DHRS4L2: variants seen among roughly 807,000 people sequenced by gnomAD.
DHRS4L2 encodes dehydrogenase/reductase 4 like 2.
Under a neutral mutation model 23.9 loss-of-function variants are expected in DHRS4L2, and 22 were observed. The ratio of observed to expected loss-of-function variants is 0.92; its 90% confidence interval spans 0.66 to 1.31. The LOEUF is 1.31. Among genes scored for constraint, DHRS4L2 ranks in the 40% most tolerant of loss-of-function variants. The probability of loss-of-function intolerance (pLI) is 0.00; values close to 1 mark genes in which losing one functional copy is unlikely to be tolerated. For missense variants in DHRS4L2, 385 were observed against 303.3 expected (o/e 1.27, Z -2.00); for synonymous variants, 141 against 123.7 (o/e 1.14, Z -0.93).
At position 23,995,121 on chromosome 14, in the gene DHRS4L2, G is replaced by C. The variant is rs1455132886; in HGVS notation, c.396G>C (p.Glu132Asp). The C allele has an allele frequency of 1.4e-5, 22 of 1,612,696 alleles. No homozygotes were observed. The highest frequency in any genetic ancestry group is 1.9e-5 in the Non-Finnish European group (22 of 1,179,388). Residue 132 changes from glutamate (E) to aspartate (D), a missense_variant, in exon 3 of 8, where the codon GAG becomes GAC. Physicochemically the swap from Glu to Asp is conservative, Grantham distance 45 (BLOSUM62 2). Coordinates refer to ENST00000335125, the MANE Select transcript of DHRS4L2 (RefSeq NM_198083.4). ...GAAGCCTAATGGATGTCACCGAGGA[G>C]GTGTGGGACAAGGTGAGAGGGGATT... ...FFGSLMDVTE[E>D]VWDKTLDINV...
At chr14:23,977,292 C>G (rs1414912771) in intron 1 of DHRS4L2, among the ~76,000 whole-genome samples, 1 of 151,692 alleles carries the variant, frequency 6.6e-6, no homozygotes, top group Non-Finnish European at 1.5e-5. Context: ...ATCTGGATTT[C>G]TAGCTTCTGT....
At chr14:23,970,471 C>G (rs1373558980) in intron 1 of DHRS4L2, 1 of 351,954 alleles carries the variant, frequency 2.8e-6, no homozygotes, top group African/African-American at 2.2e-5. Flanking sequence ...CAGGGAAGCT[C>G]TAACTGGGCG....
Position 23,990,328 on chromosome 14 carries a change from A to T in DHRS4L2, c.275A>T (p.Lys92Met), listed in dbSNP as rs773562364. The change falls in exon 2 of 8, where the codon AAG becomes ATG. Residue 92 changes from lysine (K) to methionine (M), a missense_variant. Physicochemically the swap from Lys to Met is moderately conservative, Grantham distance 95. Coordinates refer to ENST00000335125, the MANE Select transcript of DHRS4L2 (RefSeq NM_198083.4). Reference sequence around the variant, plus strand: ...ACGGGCACTGTGTGCCATGTGGGGAAGGCGGAGGACCGGGAGCGGCTGGTG... The same window carrying T: ...ACGGGCACTGTGTGCCATGTGGGGATGGCGGAGGACCGGGAGCGGCTGGTG... ...SVTGTVCHVG[K>M]AEDRERLVAM... 6 of 1,611,990 alleles carry T rather than the reference A, an allele frequency of 3.7e-6. No homozygotes were observed. In the South Asian group the frequency reaches 6.6e-5, roughly 18 times the overall value.
At chr14:23,975,576 A>G (rs1235457702) in intron 1 of DHRS4L2, among the ~76,000 whole-genome samples, 1 of 151,772 alleles carries the variant, frequency 6.6e-6, no homozygotes, top group Non-Finnish European at 1.5e-5. Flanking sequence ...ATTGGAAAAA[A>G]CTACTTTAAA....
At chr14:23,987,167 G>A, upstream of DHRS4L2, 1 of 318,906 alleles carries the variant, frequency 3.1e-6, no homozygotes. Context: ...GTCTCCATCT[G>A]TCGCTCAGGT....
At chr14:23,977,013 T>G (rs2033979778) in intron 1 of DHRS4L2, among the ~76,000 whole-genome samples, 1 of 151,670 alleles carries the variant, frequency 6.6e-6, no homozygotes, top group African/African-American at 2.4e-5. Context: ...AAATGACGAG[T>G]TGATGGATCC....
At chr14:23,989,513 G>C (rs1297188029) in intron 1 of DHRS4L2, among the ~76,000 whole-genome samples, 1 of 151,600 alleles carries the variant, frequency 6.6e-6, no homozygotes, top group African/African-American at 2.4e-5. Flanking sequence ...TGGGACACCA[G>C]AGCCATGTGT....
chr14:23,979,436 C>G (rs1049690682), intron 1 of DHRS4L2, among the ~76,000 whole-genome samples: 1 of 107,606 alleles, frequency 9.3e-6, no homozygotes, highest in African/African-American at 4.6e-5. Flanking sequence ...GAACTCAGCT[C>G]TAGACTAGGC....
In DHRS4L2 at chr14:23,990,334, A is replaced by C; in HGVS notation, c.281A>C (p.Glu94Ala). 1 of 1,611,704 alleles carries C rather than the reference A, an allele frequency of 6.2e-7. No homozygotes were observed. Among genetic ancestry groups the C allele is most frequent in the Non-Finnish European group, 8.5e-7 (1 of 1,178,896 alleles). The change falls in exon 2 of 8, where the codon GAG becomes GCG. Residue 94 changes from glutamate to alanine, a missense_variant. By Grantham distance (107) the Glu-to-Ala change is moderately radical. Transcript: ENST00000335125. ...ACTGTGTGCCATGTGGGGAAGGCGG[A>C]GGACCGGGAGCGGCTGGTGGCCATG... The part of the protein sequence containing the change: ...TGTVCHVGKA[E>A]DRERLVAMAV...
intron 1 of DHRS4L2, 87 bp downstream of exon 1, chr14:23,989,162 C>T (rs2034212921): frequency 7.2e-6 from 11 of 1,521,294 alleles, no homozygotes; most frequent in Admixed American, 2.0e-5. Flanking sequence ...TGCCCCTGTC[C>T]TCAGACCTCA....
intron 1 of DHRS4L2, among the ~76,000 whole-genome samples, chr14:23,974,635 A>T (rs113283502): frequency 9.1e-4 from 138 of 152,018 alleles, no homozygotes; most frequent in Middle Eastern, 3.4e-3. Context: ...ATGCAAATAA[A>T]CTAGAAAACC....
chr14:23,969,905 T>G, exon 1 of DHRS4L2: 2 of 435,406 alleles, frequency 4.6e-6, no homozygotes, highest in South Asian at 3.2e-5. Flanking sequence ...CGGGCCGGCG[T>G]GGGAGCCCGC....
At chr14:23,991,428 G>C (rs571646851) in intron 2 of DHRS4L2, among the ~76,000 whole-genome samples, 8 of 151,838 alleles carry the variant, frequency 5.3e-5, no homozygotes, top group African/African-American at 1.9e-4. Context: ...CTAACCATAC[G>C]ACATGTAAGT....
chr14:23,998,999 C>A (rs2034434264), intron 3 of DHRS4L2, among the ~76,000 whole-genome samples: 1 of 149,014 alleles, frequency 6.7e-6, no homozygotes, highest in Admixed American at 6.7e-5. Flanking sequence ...ACTTACAAGC[C>A]ATTGTAGGGT....
intron 1 of DHRS4L2, among the ~76,000 whole-genome samples, chr14:23,982,748 C>G (rs1465031341): frequency 6.6e-6 from 1 of 150,904 alleles, no homozygotes; most frequent in East Asian, 1.9e-4. Context: ...GCTGGCTAGC[C>G]GTAGGCAGAA....
chr14:23,990,211 C>T lies in DHRS4L2; in HGVS notation c.158C>T (p.Ala53Val). The change falls in exon 2 of 8, where the codon GCC becomes GTC. Residue 53 changes from alanine to valine, a missense_variant. Physicochemically the swap from Ala to Val is moderately conservative, Grantham distance 64 (BLOSUM62 0). Coordinates refer to ENST00000335125, the MANE Select transcript of DHRS4L2 (RefSeq NM_198083.4). ...GIGFAIARRL[A>V]QDRAHVVVSS... is the part of the protein sequence containing the mutation. ...GGCTTCGCCATCGCCCGGCGTTTGG[C>T]CCAGGACAGGGCCCACGTGGTCGTC... 1 of 1,612,856 alleles carries T rather than the reference C, an allele frequency of 6.2e-7. No homozygotes were observed. The highest frequency in any genetic ancestry group is 8.5e-7 in the Non-Finnish European group (1 of 1,179,354).
chr14:23,990,263 C>A lies in DHRS4L2; in HGVS notation c.210C>A (p.Asp70Glu). The A allele has an allele frequency of 6.2e-7, 1 of 1,612,722 alleles. No homozygotes were observed. ...GCAGCCGGAAGCAGCAGAATGTGGA[C>A]CAGGCGGTGGCCACGCTGCAGGGGG... is the stretch of plus-strand genomic sequence containing the variant. Reference protein sequence around the residue: ...VVSSRKQQNVDQAVATLQGEG... With the variant: ...VVSSRKQQNVEQAVATLQGEG... The change falls in exon 2 of 8, where the codon GAC becomes GAA. Residue 70 changes from aspartate (D) to glutamate (E), a missense_variant. Coordinates refer to ENST00000335125, the MANE Select transcript of DHRS4L2 (RefSeq NM_198083.4).
intron 6 of DHRS4L2, 49 bp from the exon 7 acceptor site, chr14:24,004,288 A>AC: frequency 6.6e-7 from 1 of 1,508,764 alleles, no homozygotes; most frequent in Non-Finnish European, 8.8e-7. Context: ...AAAAAAAAAA[A>AC]GAAAGGAAAA....
At chr14:24,001,612 G>C in intron 6 of DHRS4L2, 95 bp downstream of exon 6, 1 of 1,521,632 alleles carries the variant, frequency 6.6e-7, no homozygotes, top group Non-Finnish European at 8.8e-7. Flanking sequence ...TGAGCTCTCA[G>C]CCACTCCATT....
Sources: gnomAD v4.1 joint callset for allele counts (sites outside exome capture counted in the v4.1 genomes callset) on GRCh38, gnomAD v4.1.1 for gene constraint, MANE v1.5 for transcripts, NCBI Gene and HGNC (gene_info 2026-07-23, HGNC 2026-07-21) for gene names.